XNDC1N: variants seen among roughly 807,000 people sequenced by gnomAD.
The protein encoded by XNDC1N is protein XNDC1N.
At chr11:71,908,035 C>T in the XNDC1N span, among the ~76,000 whole-genome samples, 4 of 152,292 alleles carry the variant, frequency 2.6e-5, no homozygotes, top group South Asian at 8.3e-4. Flanking sequence ...GCTGGTTGTA[C>T]ACCTACTGCG....
the XNDC1N span, among the ~76,000 whole-genome samples, chr11:71,880,134 T>A: frequency 6.6e-6 from 1 of 152,212 alleles, no homozygotes; most frequent in African/African-American, 2.4e-5. Flanking sequence ...TGAGGTAACA[T>A]GTGCCTCAGA....
chr11:71,888,880 G>A, the XNDC1N span, among the ~76,000 whole-genome samples: 8 of 152,180 alleles, frequency 5.3e-5, no homozygotes, highest in African/African-American at 1.7e-4. Context: ...CCTTGCTCCC[G>A]GTATCAAAGA....
chr11:71,923,132 C>T, the XNDC1N span, among the ~76,000 whole-genome samples: 1 of 152,234 alleles, frequency 6.6e-6, no homozygotes, highest in South Asian at 2.1e-4. Context: ...TTCTTTTGCG[C>T]ATCCTGCACT....
At chr11:71,903,084 G>C in the XNDC1N span, 1 of 551,982 alleles carries the variant, frequency 1.8e-6, no homozygotes, top group Admixed American at 2.7e-5. Context: ...AACATTACTT[G>C]TGAATTGCTT....
the XNDC1N span, among the ~76,000 whole-genome samples, chr11:71,906,682 G>C: frequency 1.3e-5 from 2 of 152,110 alleles, no homozygotes; most frequent in East Asian, 3.9e-4. Context: ...ACTATTAAAA[G>C]GTGTACAGGA....
At chr11:71,878,591 A>G in the XNDC1N span, 2 of 1,461,068 alleles carry the variant, frequency 1.4e-6, no homozygotes, top group Admixed American at 3.9e-5. Context: ...GTCTGAAAAT[A>G]AATTAGGCAT....
At chr11:71,920,725 T>G in the XNDC1N span, among the ~76,000 whole-genome samples, 3 of 152,220 alleles carry the variant, frequency 2.0e-5, no homozygotes, top group African/African-American at 7.2e-5. Context: ...ATACTCAATA[T>G]CAACAATAGT....
At chr11:71,911,660 T>C in the XNDC1N span, among the ~76,000 whole-genome samples, 1 of 152,068 alleles carries the variant, frequency 6.6e-6, no homozygotes, top group South Asian at 2.1e-4. Flanking sequence ...ACCCTTCAAG[T>C]GCATGGAGCG....
the XNDC1N span, among the ~76,000 whole-genome samples, chr11:71,871,157 AG>A: frequency 6.6e-6 from 1 of 152,252 alleles, no homozygotes; most frequent in South Asian, 2.1e-4. Flanking sequence ...AAATGGATAA[AG>A]AAAATATAGT....
the XNDC1N span, among the ~76,000 whole-genome samples, chr11:71,894,688 C>T: frequency 2.0e-5 from 3 of 152,206 alleles, no homozygotes; most frequent in Non-Finnish European, 4.4e-5. Flanking sequence ...GAATCACAAC[C>T]ATCTTTTCAT....
chr11:71,870,912 G>T, the XNDC1N span, among the ~76,000 whole-genome samples: 1 of 152,176 alleles, frequency 6.6e-6, no homozygotes, highest in Non-Finnish European at 1.5e-5. Context: ...GTAGAAAAGG[G>T]AACACTTGCA....
chr11:71,913,827 T>C, the XNDC1N span, among the ~76,000 whole-genome samples: 3 of 152,194 alleles, frequency 2.0e-5, no homozygotes, highest in Admixed American at 1.3e-4. Flanking sequence ...GCTCATTTAC[T>C]ATTTAAAAAA....
At chr11:71,865,756 A>G in the XNDC1N span, 2 of 402,942 alleles carry the variant, frequency 5.0e-6, no homozygotes, top group South Asian at 3.7e-5. Flanking sequence ...CACTGTCAAC[A>G]TTTTGAGAAG....
chr11:71,918,787 G>C, the XNDC1N span: 2 of 650,698 alleles, frequency 3.1e-6, no homozygotes, highest in Non-Finnish European at 5.6e-6. Context: ...CATAAAGGCT[G>C]CTCAGCCAGA....
chr11:71,913,065 C>T, the XNDC1N span, among the ~76,000 whole-genome samples: 1 of 152,110 alleles, frequency 6.6e-6, no homozygotes, highest in Non-Finnish European at 1.5e-5. Context: ...TCCTCTCTCT[C>T]CCAGGGTATT....
At chr11:71,917,273 C>T in the XNDC1N span, 7 of 675,494 alleles carry the variant, frequency 1.0e-5, no homozygotes, top group African/African-American at 1.2e-4. Flanking sequence ...CCCAGTCTCC[C>T]AAAGTGCTGG....
At chr11:71,906,145 T>C in the XNDC1N span, among the ~76,000 whole-genome samples, 1 of 151,734 alleles carries the variant, frequency 6.6e-6, no homozygotes, top group Admixed American at 6.6e-5. Context: ...ACATTAAGAG[T>C]GACATCCCCC....
At chr11:71,917,770 C>G in the XNDC1N span, 7 of 703,258 alleles carry the variant, frequency 1.0e-5, no homozygotes, top group Non-Finnish European at 1.8e-5. Flanking sequence ...CGCACAGCCA[C>G]AGTTACCTGG....
the XNDC1N span, among the ~76,000 whole-genome samples, chr11:71,883,425 G>A: frequency 6.6e-6 from 1 of 152,134 alleles, no homozygotes; most frequent in East Asian, 1.9e-4. Context: ...AGAGGGCCAA[G>A]AAATCAACTG....
Sources: allele counts gnomAD v4.1 joint callset (sites outside exome capture counted in the v4.1 genomes callset), GRCh38; gene constraint gnomAD v4.1.1; transcripts MANE v1.5; gene names NCBI Gene and HGNC (gene_info 2026-07-23, HGNC 2026-07-21).